MAGI1: variants seen among roughly 807,000 people sequenced by gnomAD.
MAGI1 encodes the protein membrane-associated guanylate kinase, WW and PDZ domain-containing protein 1.
A neutral mutation model predicts 139.9 loss-of-function variants in MAGI1; 58 were observed. That is an observed-to-expected ratio of 0.41 (90% CI 0.34 to 0.52). The LOEUF is 0.52. Ranked by LOEUF, MAGI1 falls within the 20% of genes least tolerant of loss-of-function variation. MAGI1 has a pLI of 0.12. For missense variants in MAGI1, 1,874 were observed against 1,901.6 expected, an observed-to-expected ratio of 0.99 and a Z score of 0.27; for synonymous variants, 812 against 737.9, an observed-to-expected ratio of 1.10 and a Z score of -1.63.
intron 17 of MAGI1, among the ~76,000 whole-genome samples, chr3:65,377,029 T>C (rs774107024): frequency 2.3e-4 from 35 of 152,200 alleles, no homozygotes; most frequent in Non-Finnish European, 4.4e-4. Context: ...TTCTGGGGAC[T>C]ATGAAGGTAG....
Position 65,516,751 on chromosome 3 carries a change from G to A in MAGI1, c.431-23120C>T, listed in dbSNP as rs1277808918. Among the ~76,000 whole-genome samples, 16 of 71,944 alleles carry A rather than the reference G, an allele frequency of 2.2e-4. No homozygotes were observed. The South Asian group carries it at 2.9e-3, about 13-fold the overall frequency. The allele number at this position is 71,944 out of a possible 152,430, so 47.2% of individuals were successfully genotyped here. ...TTTTTTTTTTTTTTTTTTTTGAGAC[G>A]GAGTCTCGCTCTGTGGCCCAGGCTG... On this transcript the variant is annotated intron_variant, in intron 2 of 22. Coordinates refer to ENST00000402939, the MANE Select transcript of MAGI1 (RefSeq NM_001033057.2).
chr3:65,916,607 C>T (rs2061919309), intron 1 of MAGI1, among the ~76,000 whole-genome samples: 1 of 152,168 alleles, frequency 6.6e-6, no homozygotes, highest in South Asian at 2.1e-4. Context: ...TTATCTCCCA[C>T]CAGCTCCCTC....
intron 1 of MAGI1, among the ~76,000 whole-genome samples, chr3:65,865,758 A>C (rs1482038004): frequency 1.3e-5 from 2 of 152,180 alleles, no homozygotes; most frequent in Non-Finnish European, 2.9e-5. Context: ...CTCCTGCCTC[A>C]GCCTCCAGAG....
At chr3:65,879,241 G>A (rs2060234178) in intron 1 of MAGI1, among the ~76,000 whole-genome samples, 1 of 152,054 alleles carries the variant, frequency 6.6e-6, no homozygotes, top group Non-Finnish European at 1.5e-5. Context: ...AGAGCAAAGA[G>A]AAGCATTTAA....
At chr3:65,868,494 A>T (rs2059807589) in intron 1 of MAGI1, among the ~76,000 whole-genome samples, 1 of 151,954 alleles carries the variant, frequency 6.6e-6, no homozygotes, top group Admixed American at 6.6e-5. Flanking sequence ...TTCTAGACAG[A>T]CTCCCTGCAC....
intron 1 of MAGI1, among the ~76,000 whole-genome samples, chr3:65,667,473 G>A (rs979605334): frequency 3.3e-5 from 5 of 152,204 alleles, no homozygotes; most frequent in African/African-American, 1.2e-4. Flanking sequence ...ACAGACTGGG[G>A]AAGGAATGCC....
intron 12 of MAGI1, among the ~76,000 whole-genome samples, chr3:65,409,834 C>A (rs1257831308): frequency 2.0e-5 from 3 of 152,168 alleles, no homozygotes; most frequent in African/African-American, 7.2e-5. Context: ...GATAGTTGGA[C>A]TTCAGATGTC....
intron 2 of MAGI1, among the ~76,000 whole-genome samples, chr3:65,572,635 A>G (rs187187056): frequency 1.1e-4 from 16 of 152,286 alleles, no homozygotes; most frequent in East Asian, 3.9e-4. Flanking sequence ...CTCTGATCCT[A>G]TAAGTAGAAG....
intron 2 of MAGI1, among the ~76,000 whole-genome samples, chr3:65,560,949 G>A (rs558395446): frequency 6.6e-5 from 10 of 152,256 alleles, no homozygotes; most frequent in African/African-American, 1.9e-4. Flanking sequence ...AAATGGTTAC[G>A]CCAGTAGATC....
chr3:65,646,197 A>C (rs2085251188), intron 1 of MAGI1, among the ~76,000 whole-genome samples: 1 of 151,986 alleles, frequency 6.6e-6, no homozygotes, highest in Admixed American at 6.6e-5. Context: ...GGTGAAAGTG[A>C]AAGGATAGAA....
In MAGI1 at chr3:65,387,225, A is replaced by G. The variant is rs768353148; in HGVS notation, c.2417-3602T>C. 1.5e-5 allele frequency: 24 copies of G among 1,612,594 alleles called. No homozygotes were observed. The South Asian group carries it at 2.4e-4, about 16-fold the overall frequency. ...ATCCCGACGCAGGTGAAGGTGACAT[A>G]GCTGGAATATTAATTTCACAATTTT... is the stretch of plus-strand genomic sequence containing the variant. On this transcript the variant is annotated intron_variant, in intron 14 of 22. Transcript: ENST00000402939.
chr3:65,456,231 C>A (rs1294762603), intron 5 of MAGI1, among the ~76,000 whole-genome samples: 1 of 152,170 alleles, frequency 6.6e-6, no homozygotes. Flanking sequence ...TTGTGGTTTT[C>A]ATTTCCATTT....
At chr3:65,828,910 G>T (rs927937954) in intron 1 of MAGI1, among the ~76,000 whole-genome samples, 1 of 152,204 alleles carries the variant, frequency 6.6e-6, no homozygotes, top group African/African-American at 2.4e-5. Context: ...AGAGGGCCAT[G>T]AGTCATGGAA....
intron 1 of MAGI1, among the ~76,000 whole-genome samples, chr3:65,833,246 G>A (rs903166388): frequency 6.6e-6 from 1 of 152,144 alleles, no homozygotes; most frequent in South Asian, 2.1e-4. Flanking sequence ...AACCTCCCGA[G>A]TAGCTGGGAT....
intron 1 of MAGI1, among the ~76,000 whole-genome samples, chr3:65,789,201 TAATA>T (rs941415060): frequency 3.9e-5 from 6 of 151,900 alleles, no homozygotes; most frequent in African/African-American, 1.5e-4. Flanking sequence ...AAACAAATGA[TAATA>T]AATAAATAAT....
intron 1 of MAGI1, among the ~76,000 whole-genome samples, chr3:65,863,384 A>T (rs1298672395): frequency 6.6e-6 from 1 of 152,208 alleles, no homozygotes; most frequent in East Asian, 1.9e-4. Context: ...TCATATTCTT[A>T]ATCCTTAACA....
chr3:65,967,133 C>G (rs2064789742), intron 1 of MAGI1, among the ~76,000 whole-genome samples: 2 of 152,134 alleles, frequency 1.3e-5, no homozygotes. Context: ...TTCCTAACTA[C>G]CCATACCATG....
chr3:65,380,635 T>C (rs1456380603), intron 16 of MAGI1: 2 of 152,206 alleles, frequency 1.3e-5, no homozygotes, highest in African/African-American at 4.8e-5. Flanking sequence ...ACTTGCATAA[T>C]GTCTCTTCAT....
At chr3:65,502,468 A>T (rs1203743011) in intron 2 of MAGI1, among the ~76,000 whole-genome samples, 1 of 152,210 alleles carries the variant, frequency 6.6e-6, no homozygotes, top group Admixed American at 6.5e-5. Context: ...AACAATAAGC[A>T]TTGTTGAGAC....
Sources: allele counts gnomAD v4.1 joint callset (sites outside exome capture counted in the v4.1 genomes callset), GRCh38; gene constraint gnomAD v4.1.1; transcripts MANE v1.5; gene names NCBI Gene and HGNC (gene_info 2026-07-23, HGNC 2026-07-21).